The following MTHFD1L variants were observed in gnomAD, a reference collection of about 807,000 sequenced individuals.
MTHFD1L encodes methylenetetrahydrofolate dehydrogenase (NADP+ dependent) 1 like.
In MTHFD1L, 81 loss-of-function variants were observed where a neutral mutation model predicts 119.5. The ratio of observed to expected loss-of-function variants is 0.68; its 90% confidence interval spans 0.57 to 0.82. MTHFD1L has a LOEUF of 0.82. MTHFD1L is among the 40% of genes least tolerant of loss of function. The pLI is 0.00. For synonymous variants in MTHFD1L, 430 were observed against 475.2 expected (o/e 0.90, Z 1.24); for missense variants, 1,125 against 1,253.4 (o/e 0.90, Z 1.55).
At chr6:150,866,924 C>T (rs1381587337) in intron 1 of MTHFD1L, among the ~76,000 whole-genome samples, 2 of 152,220 alleles carry the variant, frequency 1.3e-5, no homozygotes, top group African/African-American at 4.8e-5. Context: ...CTTCCGCCTC[C>T]CTCGGAACTG....
intron 8 of MTHFD1L, among the ~76,000 whole-genome samples, chr6:150,909,287 C>T (rs576688107): frequency 4.0e-5 from 6 of 151,294 alleles, no homozygotes; most frequent in African/African-American, 1.5e-4. Context: ...AAAAAGACAA[C>T]CAAAAAAACC....
At chr6:150,943,283 AT>A (rs1157128522) in intron 13 of MTHFD1L, among the ~76,000 whole-genome samples, 3 of 151,992 alleles carry the variant, frequency 2.0e-5, no homozygotes, top group African/African-American at 4.8e-5. Flanking sequence ...TCAAAAAAAA[AT>A]AAATAAAATA....
At chr6:151,062,521 A>G (rs933000018) in intron 26 of MTHFD1L, among the ~76,000 whole-genome samples, 1 of 152,176 alleles carries the variant, frequency 6.6e-6, no homozygotes, top group African/African-American at 2.4e-5. Flanking sequence ...CACTAGGAAT[A>G]AAAAGATAAA....
At chr6:150,881,408 AT>A (rs1203644399) in intron 4 of MTHFD1L, among the ~76,000 whole-genome samples, 2 of 152,160 alleles carry the variant, frequency 1.3e-5, no homozygotes, top group Non-Finnish European at 2.9e-5. Flanking sequence ...GGAATCATTT[AT>A]TCCGTATTTT....
intron 11 of MTHFD1L, among the ~76,000 whole-genome samples, chr6:150,932,956 T>C (rs1202566208): frequency 6.6e-6 from 1 of 152,136 alleles, no homozygotes; most frequent in African/African-American, 2.4e-5. Context: ...TATATCCCCG[T>C]TGATGATTTG....
intron 26 of MTHFD1L, among the ~76,000 whole-genome samples, chr6:151,064,889 AC>A (rs1791066092): frequency 6.7e-6 from 1 of 148,858 alleles, no homozygotes; most frequent in South Asian, 2.1e-4. Context: ...TGCAACCTCC[AC>A]CTCCTGGGTT....
intron 26 of MTHFD1L, among the ~76,000 whole-genome samples, chr6:151,056,421 A>G (rs1789935588): frequency 6.6e-6 from 1 of 152,148 alleles, no homozygotes; most frequent in Admixed American, 6.6e-5. Flanking sequence ...TAGGACTTTG[A>G]ACCACAGCCA....
chr6:150,978,253 C>A (rs1247968351), intron 20 of MTHFD1L, among the ~76,000 whole-genome samples: 2 of 151,988 alleles, frequency 1.3e-5, no homozygotes, highest in Non-Finnish European at 2.9e-5. Flanking sequence ...TCACAGGGGA[C>A]CATGACATAA....
intron 1 of MTHFD1L, among the ~76,000 whole-genome samples, chr6:150,869,018 G>A (rs920459169): frequency 3.3e-5 from 5 of 152,174 alleles, no homozygotes; most frequent in African/African-American, 1.2e-4. Context: ...CGGAGATTGC[G>A]CTACTGCACT....
chr6:150,903,961 C>G (rs999768458), intron 7 of MTHFD1L, among the ~76,000 whole-genome samples: 2 of 152,186 alleles, frequency 1.3e-5, no homozygotes, highest in African/African-American at 4.8e-5. Flanking sequence ...CATGCATTTA[C>G]ATTTTTATCG....
intron 1 of MTHFD1L, among the ~76,000 whole-genome samples, chr6:150,873,297 A>G (rs551031639): frequency 6.6e-6 from 1 of 152,250 alleles, no homozygotes; most frequent in South Asian, 2.1e-4. Flanking sequence ...CCTGGAAACA[A>G]AGTGAGACTC....
Position 150,866,042 on chromosome 6 carries a change from A to C in MTHFD1L, c.220A>C (p.Ile74Leu). The change falls in exon 1 of 28, where the codon ATC becomes CTC. Residue 74 changes from isoleucine (I) to leucine (L), a missense_variant. By Grantham distance (5) the Ile-to-Leu change is conservative. Around this residue, in one of 3 missense-constraint regions of MTHFD1L, gnomAD observed 1,058 missense variants for 1,151.2 expected, o/e 0.92. Coordinates refer to ENST00000367321, the MANE Select transcript of MTHFD1L (RefSeq NM_015440.5). ...CCGAACGCCCGCGGCGCGGGACTCC[A>C]TCGTCAGGTGAGTGTCGGGTCTGGC... ...GGRTPAARDS[I>L]VREVIQNSKE... The C allele has an allele frequency of 1.4e-6, 2 of 1,461,324 alleles. No individual in the cohort carries two copies. The highest frequency in any genetic ancestry group is 1.8e-6 in the Non-Finnish European group (2 of 1,114,106). 90.5% of individuals were successfully genotyped at this position (1,461,324 alleles called of 1,614,324 possible). A position where few individuals can be genotyped will look rare whatever the true frequency, so the allele number is the denominator to read the frequency against.
chr6:151,099,556 A>G, intron 27 of MTHFD1L: 2 of 1,605,026 alleles, frequency 1.2e-6, no homozygotes, highest in East Asian at 2.2e-5. Context: ...TGTGAAGCCC[A>G]AGATCGTCAA....
At chr6:150,911,616 A>G (rs1049941941) in intron 8 of MTHFD1L, among the ~76,000 whole-genome samples, 1 of 152,156 alleles carries the variant, frequency 6.6e-6, no homozygotes, top group Non-Finnish European at 1.5e-5. Context: ...AATCACATAT[A>G]TCTTACATGG....
intron 26 of MTHFD1L, among the ~76,000 whole-genome samples, chr6:151,084,692 G>C (rs185419768): frequency 2.7e-3 from 406 of 152,170 alleles, no homozygotes; most frequent in African/African-American, 9.2e-3. Context: ...CGGGCCGGGC[G>C]TGGTGGCTCA....
At chr6:150,948,583 C>G (rs1239216766) in intron 15 of MTHFD1L, among the ~76,000 whole-genome samples, 1 of 152,092 alleles carries the variant, frequency 6.6e-6, no homozygotes, top group Non-Finnish European at 1.5e-5. Context: ...CTCCACCTTC[C>G]AAAGTGCTGG....
rs116668155 is a variant in MTHFD1L, at chr6:151,034,710, T to C, written c.2694+110T>C. 2,407 of 718,578 alleles carry C rather than the reference T, an allele frequency of 3.3e-3. 41 individuals carry two copies. In the African/African-American group the frequency reaches 0.038, roughly 11 times the overall value. 44.5% of individuals were successfully genotyped at this position (718,578 alleles called of 1,614,324 possible). On this transcript the variant is annotated intron_variant, in intron 25 of 27. Transcript: ENST00000367321. ...CGCACCAGCTAACCTTTGCTTAATC[T>C]ATTGTATGGTTAACAAAGATGAAGG...
At chr6:150,965,187 A>G (rs957815089) in intron 19 of MTHFD1L, 150 bp downstream of exon 19, 10 of 654,016 alleles carry the variant, frequency 1.5e-5, no homozygotes, top group Non-Finnish European at 2.4e-5. Flanking sequence ...GGATCTGGTT[A>G]GGAACCTGTA....
intron 24 of MTHFD1L, among the ~76,000 whole-genome samples, chr6:151,019,804 T>C (rs1418712906): frequency 2.0e-5 from 3 of 152,228 alleles, no homozygotes; most frequent in African/African-American, 7.2e-5. Context: ...AGTCTTGTCT[T>C]GTCACCATGT....
Sources: gnomAD v4.1 joint callset for allele counts (sites outside exome capture counted in the v4.1 genomes callset) on GRCh38, gnomAD v4.1.1 for gene constraint, gnomAD v4.1.1 regional missense constraint, MANE v1.5 for transcripts, NCBI Gene and HGNC (gene_info 2026-07-23, HGNC 2026-07-21) for gene names.